Variants in C1orf21 observed in about 807,000 individuals in gnomAD.
C1orf21 encodes chromosome 1 open reading frame 21.
Under a neutral mutation model 18.7 loss-of-function variants are expected in C1orf21, and 3 were observed. That is an observed-to-expected ratio of 0.16 (90% CI 0.07 to 0.42). The LOEUF (loss-of-function observed/expected upper bound fraction) is 0.42, where lower values mean the gene tolerates loss of function less well. C1orf21 is among the 10% of genes least tolerant of loss of function. The probability of loss-of-function intolerance (pLI) is 0.99; values close to 1 mark genes in which losing one functional copy is unlikely to be tolerated. For synonymous variants in C1orf21, 41 were observed against 46.4 expected, an observed-to-expected ratio of 0.88 and a Z score of 0.47; for missense variants, 104 against 143.6, an observed-to-expected ratio of 0.72 and a Z score of 1.41.
intron 3 of C1orf21, among the ~76,000 whole-genome samples, chr1:184,575,611 T>TAAAAAAAAAAAAAAAAAAAG (rs1659174321): frequency 1.2e-5 from 1 of 83,508 alleles, no homozygotes; most frequent in Non-Finnish European, 2.6e-5. Context: ...CACAAAAAGG[T>TAAAAAAAAAAAAAAAAAAAG]AAAAAAAAAA....
chr1:184,466,782 C>T (rs746361313), intron 1 of C1orf21, among the ~76,000 whole-genome samples: 2 of 151,578 alleles, frequency 1.3e-5, no homozygotes. Context: ...AGTAAATATC[C>T]CTGGATTCTA....
At chr1:184,488,884 G>T (rs1657771559) in intron 2 of C1orf21, among the ~76,000 whole-genome samples, 1 of 152,170 alleles carries the variant, frequency 6.6e-6, no homozygotes, top group Non-Finnish European at 1.5e-5. Context: ...AGAATTGCTT[G>T]AACCCAGGAG....
chr1:184,489,474 T>C (rs558903652), intron 2 of C1orf21, among the ~76,000 whole-genome samples: 43 of 152,206 alleles, frequency 2.8e-4, no homozygotes, highest in Non-Finnish European at 5.7e-4. Flanking sequence ...TAATGGAGAA[T>C]GTCAACGCAG....
At chr1:184,612,264 G>T (rs1234800015) in intron 5 of C1orf21, among the ~76,000 whole-genome samples, 1 of 152,190 alleles carries the variant, frequency 6.6e-6, no homozygotes, top group Non-Finnish European at 1.5e-5. Context: ...CAGACAGAAA[G>T]AAGCCTCATT....
chr1:184,441,146 A>G (rs1015108250), intron 1 of C1orf21, among the ~76,000 whole-genome samples: 26 of 152,164 alleles, frequency 1.7e-4, no homozygotes, highest in Non-Finnish European at 3.7e-4. Flanking sequence ...CAGCACACCT[A>G]GGCATTTTTA....
intron 1 of C1orf21, among the ~76,000 whole-genome samples, chr1:184,404,372 G>A (rs970247444): frequency 3.9e-5 from 6 of 152,262 alleles, no homozygotes; most frequent in African/African-American, 1.2e-4. Context: ...TCAAGGTTCT[G>A]GGGTCTGGGA....
chr1:184,606,588 C>G (rs1373417170), intron 5 of C1orf21, among the ~76,000 whole-genome samples: 1 of 151,244 alleles, frequency 6.6e-6, no homozygotes, highest in Non-Finnish European at 1.5e-5. Flanking sequence ...TCTTAAAAAA[C>G]AAAAAAGTAT....
chr1:184,555,775 A>G (rs953071273), intron 3 of C1orf21, among the ~76,000 whole-genome samples: 1 of 152,160 alleles, frequency 6.6e-6, no homozygotes, highest in African/African-American at 2.4e-5. Flanking sequence ...CCCCTCCAAC[A>G]CAGAGGCATT....
intron 2 of C1orf21, among the ~76,000 whole-genome samples, chr1:184,490,006 G>A (rs894091633): frequency 9.9e-5 from 15 of 152,170 alleles, no homozygotes; most frequent in African/African-American, 3.6e-4. Context: ...AAGGCCTTTA[G>A]TTGTGTTTTC....
chr1:184,478,697 A>G (rs903624926), intron 2 of C1orf21, among the ~76,000 whole-genome samples: 1 of 152,202 alleles, frequency 6.6e-6, no homozygotes, highest in Non-Finnish European at 1.5e-5. Context: ...TGGCCCTTAG[A>G]TGATTATTTT....
intron 3 of C1orf21, among the ~76,000 whole-genome samples, chr1:184,518,485 A>G (rs1000045767): frequency 7.9e-5 from 12 of 152,192 alleles, no homozygotes; most frequent in Non-Finnish European, 1.2e-4. Context: ...AGAAAGAGTT[A>G]TATCTTCATA....
chr1:184,388,296 G>T (rs1158304170), intron 1 of C1orf21, among the ~76,000 whole-genome samples: 2 of 152,166 alleles, frequency 1.3e-5, no homozygotes, highest in Non-Finnish European at 2.9e-5. Flanking sequence ...TCCAAGAGTT[G>T]CATGGCCAAA....
At chr1:184,423,114 C>T (rs1409224140) in intron 1 of C1orf21, among the ~76,000 whole-genome samples, 1 of 152,128 alleles carries the variant, frequency 6.6e-6, no homozygotes, top group African/African-American at 2.4e-5. Flanking sequence ...CAATGTGTAT[C>T]GGGATTTAAC....
intron 1 of C1orf21, among the ~76,000 whole-genome samples, chr1:184,428,978 GCA>G (rs757676754): frequency 3.3e-5 from 5 of 152,088 alleles, no homozygotes; most frequent in Non-Finnish European, 7.4e-5. Context: ...TACATTCCTT[GCA>G]CAGTTTTCCC....
intron 3 of C1orf21, among the ~76,000 whole-genome samples, chr1:184,573,906 G>A (rs1004321929): frequency 8.6e-5 from 13 of 152,006 alleles, no homozygotes; most frequent in African/African-American, 2.9e-4. Flanking sequence ...AAGTAGAAAT[G>A]AAGATAGGCC....
chr1:184,506,572 T>C (rs942285333), intron 2 of C1orf21, among the ~76,000 whole-genome samples: 1 of 152,216 alleles, frequency 6.6e-6, no homozygotes, highest in African/African-American at 2.4e-5. Flanking sequence ...CATTACTTCA[T>C]GCTATATGCC....
chr1:184,541,453 T>G (rs1425734235), intron 3 of C1orf21, among the ~76,000 whole-genome samples: 2 of 152,184 alleles, frequency 1.3e-5, no homozygotes, highest in Admixed American at 6.5e-5. Context: ...GCACACAGAA[T>G]TATGACCTCA....
At chr1:184,542,519 CAT>C (rs1481394815) in intron 3 of C1orf21, 4 of 152,110 alleles carry the variant, frequency 2.6e-5, no homozygotes, top group Non-Finnish European at 4.4e-5. Flanking sequence ...CTCAACAAAA[CAT>C]ATGTTTGTTT....
intron 1 of C1orf21, among the ~76,000 whole-genome samples, chr1:184,422,245 G>A (rs981403266): frequency 4.6e-5 from 7 of 152,148 alleles, no homozygotes; most frequent in Non-Finnish European, 8.8e-5. Flanking sequence ...AACTCAGCTC[G>A]AATATCACCT....
Sources: gnomAD v4.1 joint callset for allele counts (sites outside exome capture counted in the v4.1 genomes callset) on GRCh38, gnomAD v4.1.1 for gene constraint, MANE v1.5 for transcripts, NCBI Gene and HGNC (gene_info 2026-07-23, HGNC 2026-07-21) for gene names.